CAPS2: variants seen among roughly 807,000 people sequenced by gnomAD.
CAPS2 encodes calcyphosine 2.
A neutral mutation model predicts 86.5 loss-of-function variants in CAPS2; 98 were observed. That is an observed-to-expected ratio of 1.13 (90% CI 0.96 to 1.34). CAPS2 has a LOEUF of 1.34. Among genes scored for constraint, CAPS2 ranks in the 40% most tolerant of loss-of-function variants. The pLI is 0.00. For missense variants in CAPS2, 729 were observed against 686.8 expected, an observed-to-expected ratio of 1.06 and a Z score of -0.69; for synonymous variants, 210 against 225.1, an observed-to-expected ratio of 0.93 and a Z score of 0.60.
chr12:75,373,013 A>G (rs1042267067), intron 1 of CAPS2, among the ~76,000 whole-genome samples: 4 of 152,334 alleles, frequency 2.6e-5, no homozygotes, highest in African/African-American at 9.6e-5. Flanking sequence ...TGCCCTTTCC[A>G]TGACGGAGGC....
chr12:75,362,337 G>C (rs1189446800), intron 1 of CAPS2, among the ~76,000 whole-genome samples: 1 of 152,120 alleles, frequency 6.6e-6, no homozygotes, highest in Non-Finnish European at 1.5e-5. Context: ...AGAATGGCTA[G>C]AGAGTGACCA....
In CAPS2 at chr12:75,370,307, T is replaced by C. The variant is rs187648553; in HGVS notation, c.-395+20531A>G. Reference sequence around the variant, plus strand: ...CTTGCCTGATACCTAAATTTAATGTTTGTTTTTAACTCAAAAAATGTACTG... The same window carrying C: ...CTTGCCTGATACCTAAATTTAATGTCTGTTTTTAACTCAAAAAATGTACTG... On this transcript the variant is annotated intron_variant, in intron 1 of 5. Coordinates refer to the CAPS2 transcript ENST00000551829. 1.4e-5 allele frequency: 8 copies of C among 566,528 alleles called. No individual in the cohort carries two copies. The East Asian group carries it at 2.2e-4, about 16-fold the overall frequency. 35.1% of individuals were successfully genotyped at this position (566,528 alleles called of 1,614,324 possible).
At chr12:75,318,252 G>T (rs549667908) in intron 5 of CAPS2, 1 of 152,238 alleles carries the variant, frequency 6.6e-6, no homozygotes, top group East Asian at 1.9e-4. Flanking sequence ...GCACTACGAA[G>T]TTCCAAGTCT....
At chr12:75,290,885 T>C (rs1215772742) in intron 13 of CAPS2, among the ~76,000 whole-genome samples, 1 of 150,754 alleles carries the variant, frequency 6.6e-6, no homozygotes, top group East Asian at 2.0e-4. Flanking sequence ...GATTGTACTA[T>C]TGCACTCCAG....
At chr12:75,293,139 T>C (rs936066908) in intron 12 of CAPS2, 110 bp downstream of exon 12, 1 of 698,640 alleles carries the variant, frequency 1.4e-6, no homozygotes, top group African/African-American at 1.8e-5. Context: ...TTTTTCAAAA[T>C]ATAAACCTTA....
intron 1 of CAPS2, among the ~76,000 whole-genome samples, chr12:75,373,073 G>A (rs572764452): frequency 1.5e-4 from 23 of 152,170 alleles, no homozygotes; most frequent in Non-Finnish European, 2.9e-4. Context: ...CCACTCCAAG[G>A]AATGGTGCCA....
chr12:75,377,734 G>C (rs1431414006), intron 1 of CAPS2, among the ~76,000 whole-genome samples: 2 of 151,830 alleles, frequency 1.3e-5, no homozygotes, highest in Admixed American at 1.3e-4. Flanking sequence ...CCAGTCCACT[G>C]ACTCAAATGT....
intron 1 of CAPS2, among the ~76,000 whole-genome samples, chr12:75,389,090 C>T (rs2045441782): frequency 6.6e-6 from 1 of 152,168 alleles, no homozygotes; most frequent in Admixed American, 6.5e-5. Context: ...GTTTTTCCAT[C>T]TGTTAAAGGG....
In CAPS2 at chr12:75,385,930, T is replaced by C. The variant is rs142075742; in HGVS notation, c.-395+4908A>G. Among the ~76,000 whole-genome samples the C allele has an allele frequency of 2.7e-3, 412 of 152,288 alleles. 2 individuals carry two copies. Among genetic ancestry groups the C allele is most frequent in the African/African-American group, 9.5e-3 (395 of 41,562 alleles). ...CTGTATGAGGAACACTACAAAAGTA[T>C]GATAAAATAAATCAAAGAACTGAAT... On this transcript the variant is annotated intron_variant, in intron 1 of 5. Coordinates refer to the CAPS2 transcript ENST00000551829.
downstream of CAPS2, chr12:75,276,170 T>G (rs1007312901): frequency 5.2e-5 from 79 of 1,519,794 alleles, no homozygotes; most frequent in Middle Eastern, 6.8e-4. Context: ...ATTTTATATA[T>G]GCCCATTACC....
Position 75,299,202 on chromosome 12 carries a change from T to A in CAPS2, c.855-236A>T, listed in dbSNP as rs546890549. Among the ~76,000 whole-genome samples, 3 of 152,344 alleles carry A rather than the reference T, an allele frequency of 2.0e-5. No homozygotes were observed. In the East Asian group the frequency reaches 5.8e-4, roughly 29 times the overall value. On this transcript the variant is annotated intron_variant, in intron 9 of 16. Coordinates refer to ENST00000393284, the Ensembl canonical transcript of CAPS2. ...TACACTGACATTAAAAGTGGATATATTTACGATGTACATTATTAATTCAAC... is the reference window on the plus strand; with the variant it reads ...TACACTGACATTAAAAGTGGATATAATTACGATGTACATTATTAATTCAAC...
rs145392213 is a variant in CAPS2 at position 75,323,943 on chromosome 12, A to T, written c.132-721T>A. 6.7e-3 allele frequency among the ~76,000 whole-genome samples: 1,018 copies of T among 152,258 alleles called. 8 individuals carry two copies. The highest frequency in any genetic ancestry group is 0.023 in the African/African-American group (937 of 41,554). On this transcript the variant is annotated intron_variant, in intron 2 of 16. Coordinates refer to ENST00000393284, the Ensembl canonical transcript of CAPS2. ...GGCACACTGAAACAGCCTTGATGGG[A>T]TTATTTACACTGAAATTGGCAAATG...
chr12:75,378,140 G>A (rs1432579519), intron 1 of CAPS2, among the ~76,000 whole-genome samples: 1 of 151,884 alleles, frequency 6.6e-6, no homozygotes, highest in Non-Finnish European at 1.5e-5. Flanking sequence ...TGGGACCACT[G>A]GCACGTGCCA....
intron 15 of CAPS2, among the ~76,000 whole-genome samples, chr12:75,282,584 G>A (rs1292798679): frequency 1.3e-5 from 2 of 151,926 alleles, no homozygotes; most frequent in East Asian, 1.9e-4. Context: ...GCGGGGTTTC[G>A]CCATGTTGGT....
chr12:75,330,006 G>T (rs375838249), upstream of CAPS2: 7 of 681,916 alleles, frequency 1.0e-5, no homozygotes, highest in African/African-American at 7.3e-5. Flanking sequence ...TCCAAAAACC[G>T]CATTCAGAAA....
At chr12:75,293,544 T>C (rs766841437) in intron 11 of CAPS2, among the ~76,000 whole-genome samples, 177 bp from the exon 12 acceptor site, 3 of 152,158 alleles carry the variant, frequency 2.0e-5, no homozygotes, top group Non-Finnish European at 2.9e-5. Context: ...TAAACCAATA[T>C]CTCTGTCAAT....
intron 1 of CAPS2, chr12:75,363,049 A>T: frequency 2.1e-6 from 2 of 938,910 alleles, no homozygotes; most frequent in South Asian, 3.3e-5. Context: ...TGCATGAACA[A>T]AATTGGAGAA....
At chr12:75,365,372 G>C (rs2043896323) in intron 1 of CAPS2, 1 of 152,020 alleles carries the variant, frequency 6.6e-6, no homozygotes, top group Admixed American at 6.6e-5. Flanking sequence ...AACAGAAAAA[G>C]GAAACTATTC....
chr12:75,351,547 T>C (rs2042812163), intron 1 of CAPS2, among the ~76,000 whole-genome samples: 1 of 146,772 alleles, frequency 6.8e-6, no homozygotes, highest in African/African-American at 2.7e-5. Flanking sequence ...TCTGTTTTGT[T>C]TTGTTTTTTT....
Sources: gnomAD v4.1 joint callset for allele counts (sites outside exome capture counted in the v4.1 genomes callset) on GRCh38, gnomAD v4.1.1 for gene constraint, MANE v1.5 for transcripts, NCBI Gene and HGNC (gene_info 2026-07-23, HGNC 2026-07-21) for gene names.